Variants in CLUH observed in about 807,000 individuals in gnomAD.
CLUH encodes the protein clustered mitochondria protein homolog.
In CLUH, 77 loss-of-function variants were observed where a neutral mutation model predicts 139.3. The ratio of observed to expected loss-of-function variants is 0.55; its 90% CI spans 0.46 to 0.67. The LOEUF is 0.67. CLUH is among the 30% of genes least tolerant of loss of function. CLUH has a pLI of 0.00. For synonymous variants in CLUH, 999 were observed against 801.6 expected, an observed-to-expected ratio of 1.25 and a Z score of -4.16; for missense variants, 1,876 against 1,875.8, an observed-to-expected ratio of 1.00 and a Z score of 0.00.
Position 2,711,612 on chromosome 17 carries a change from G to A in CLUH, c.50C>T (p.Ala17Val). 3.0e-6 allele frequency: 3 copies of A among 984,142 alleles called. No homozygotes were observed. The highest frequency in any genetic ancestry group is 3.6e-6 in the Non-Finnish European group (3 of 829,550). The allele number at this position is 984,142 out of a possible 1,614,324, so 61.0% of individuals were successfully genotyped here. Residue 17 changes from alanine to valine, a missense_variant, in exon 1 of 26, where the codon GCC (alanine) becomes GTC (valine). Transcript: ENST00000651024. ...CCCGGCCTGCGAGCCGTGTTCCCGGGCGCTGTCGGCCGGGGCGGCCGCCGG... is the reference window on the plus strand; with the variant it reads ...CCCGGCCTGCGAGCCGTGTTCCCGGACGCTGTCGGCCGGGGCGGCCGCCGG... ...ELPAAAPADS[A>V]REHGSQAGGK...
At position 2,695,106 on chromosome 17, in the gene CLUH, G is replaced by C; in HGVS notation, c.2608-5C>G. The C allele has an allele frequency of 6.2e-7, 1 of 1,612,190 alleles. No homozygotes were observed. Among genetic ancestry groups the C allele is most frequent in the Non-Finnish European group, 8.5e-7 (1 of 1,178,956 alleles). On this transcript the variant is annotated splice_polypyrimidine_tract_variant and splice_region_variant and intron_variant, in intron 15 of 25. Transcript: ENST00000651024. ...GAGGCCGGAGAGCTCGACTCCCTGCGAGGCAGGTTGGATCCGAGTCATGAG... is the reference window on the plus strand; with the variant it reads ...GAGGCCGGAGAGCTCGACTCCCTGCCAGGCAGGTTGGATCCGAGTCATGAG...
chr17:2,689,731 G>C lies in CLUH; in HGVS notation c.*863C>G, dbSNP rs1444430578. 6.5e-6 allele frequency: 1 copy of C among 152,718 alleles called. No homozygotes were observed. The highest frequency in any genetic ancestry group is 2.4e-5 in the African/African-American group (1 of 41,438). 9.5% of individuals were successfully genotyped at this position (152,718 alleles called of 1,614,324 possible). The stretch of plus-strand genomic sequence containing the variant: ...ACCAGGAAGGGAGCTGGGCACCAGA[G>C]AAGCGACATCACGTCGGCACCTGTA... On this transcript the variant is annotated 3_prime_UTR_variant, in exon 26 of 26. Transcript: ENST00000651024.
intron 9 of CLUH, among the ~76,000 whole-genome samples, chr17:2,698,918 G>A (rs527406506): frequency 1.3e-5 from 2 of 152,210 alleles, no homozygotes; most frequent in South Asian, 2.1e-4. Context: ...GAGGTGGCGC[G>A]CGCCTGTAGT....
chr17:2,690,862 T>G, intron 25 of CLUH, 85 bp from the exon 26 acceptor site: 3 of 1,113,204 alleles, frequency 2.7e-6, no homozygotes, highest in Non-Finnish European at 3.7e-6. Flanking sequence ...TGGGATAAGC[T>G]CAGGCTCTGC....
rs996370756 is a variant in CLUH, at chr17:2,691,910, G to GA, written c.3655-16dup. 12 of 1,494,512 alleles carry GA rather than the reference G, an allele frequency of 8.0e-6. No individual in the cohort carries two copies. In the African/African-American group the frequency reaches 1.8e-4, roughly 23 times the overall value. The allele number at this position is 1,494,512 out of a possible 1,614,324, so 92.6% of individuals were successfully genotyped here. A position where few individuals can be genotyped will look rare whatever the true frequency, so the allele number is the denominator to read the frequency against. On this transcript the variant is annotated splice_polypyrimidine_tract_variant and intron_variant, in intron 23 of 25. Coordinates refer to ENST00000651024, the MANE Select transcript of CLUH (RefSeq NM_001366661.1). ...TCCTCGCCCAGCTGCGGGGAGGCGG[G>GA]AAGGGATCAGGCCCCCCCGTGCCCC...
Position 2,691,946 on chromosome 17 carries a change from CCCCCGCCCCGCCACG to C in CLUH, c.3654+43_3655-52del, listed in dbSNP as rs2069671127. 5.1e-6 allele frequency: 6 copies of C among 1,184,214 alleles called. No homozygotes were observed. In the African/African-American group the frequency reaches 8.0e-5, roughly 16 times the overall value. The allele number at this position is 1,184,214 out of a possible 1,614,324, so 73.4% of individuals were successfully genotyped here. On this transcript the variant is annotated intron_variant, in intron 23 of 25. Coordinates refer to ENST00000651024, the MANE Select transcript of CLUH (RefSeq NM_001366661.1). ...GCCCCCCCGTGCCCCCGCGGCCCCG[CCCCCGCCCCGCCACG>C]CCCCCGCCCCGCCCCCGCCCCCGCC... is the stretch of plus-strand genomic sequence containing the variant.
In CLUH at chr17:2,691,686, C is replaced by CGGGGCGGGGAAACCAGCGG. The variant is rs1200604568; in HGVS notation, c.3790-23_3790-5dup. 6.2e-7 allele frequency: 1 copy of CGGGGCGGGGAAACCAGCGG among 1,611,514 alleles called. No homozygotes were observed. The highest frequency in any genetic ancestry group is 8.5e-7 in the Non-Finnish European group (1 of 1,178,944). On this transcript the variant is annotated splice_region_variant and splice_polypyrimidine_tract_variant and intron_variant, in intron 24 of 25. Coordinates refer to ENST00000651024, the MANE Select transcript of CLUH (RefSeq NM_001366661.1). ...TGGCCATGCTGGGGGCCGTGAACTG[C>CGGGGCGGGGAAACCAGCGG]GGGGCGGGGAAACCAGCGGTGAGCG... is the stretch of plus-strand genomic sequence containing the variant.
In CLUH at chr17:2,698,398, G is replaced by T; in HGVS notation, c.1459C>A (p.Pro487Thr). The change falls in exon 10 of 26, where the codon CCC becomes ACC. Residue 487 changes from proline to threonine, a missense_variant. Around this residue, in one of 3 missense-constraint regions of CLUH, gnomAD observed 1,454 missense variants for 1,384.4 expected, o/e 1.05. Transcript: ENST00000651024. ...FGGDVAAYVA[P>T]TNDLNGVRTY... ...CGGACGCCATTCAGGTCGTTGGTGG[G>T]CGCCACGTAGGCCGCCACGTCCCCC... 1 of 1,613,178 alleles carries T rather than the reference G, an allele frequency of 6.2e-7. No homozygotes were observed. Among genetic ancestry groups the T allele is most frequent in the Non-Finnish European group, 8.5e-7 (1 of 1,179,732 alleles).
At position 2,703,305 on chromosome 17, in the gene CLUH, C is replaced by A; in HGVS notation, c.475+13G>T. On this transcript the variant is annotated intron_variant, in intron 3 of 25. Coordinates refer to ENST00000651024, the MANE Select transcript of CLUH (RefSeq NM_001366661.1). This position sits in a 1 kb window ranked among gnomAD's most constrained non-coding sequence, Gnocchi z 4.2. ...GCCCTCCCCCGGGCAGGCTGTCCAACTTCCAGACCAACCTTCCACCACACG... is the reference window on the plus strand; with the variant it reads ...GCCCTCCCCCGGGCAGGCTGTCCAAATTCCAGACCAACCTTCCACCACACG... 2 of 1,603,674 alleles carry A rather than the reference C, an allele frequency of 1.2e-6. No homozygotes were observed. The highest frequency in any genetic ancestry group is 2.7e-5 in the African/African-American group (2 of 74,776).
At chr17:2,711,109 G>C (rs916732365) in intron 1 of CLUH, 1 of 152,236 alleles carries the variant, frequency 6.6e-6, no homozygotes, top group African/African-American at 2.4e-5. Flanking sequence ...TTCACTCCCA[G>C]GGCTGCAGCC....
rs754416489 is a variant in CLUH at position 2,698,441 on chromosome 17, G to A, written c.1416C>T (p.Asp472=). 6.2e-7 allele frequency: 1 copy of A among 1,613,368 alleles called. No individual in the cohort carries two copies. ...CGTCCCCCCCGAAGTCCTTGTAGTGGTCTCGGACGTCGAAGCCCAGGCTGA... is the reference window on the plus strand; with the variant it reads ...CGTCCCCCCCGAAGTCCTTGTAGTGATCTCGGACGTCGAAGCCCAGGCTGA... ...IFFSLGFDVR[D]HYKDFGGDVA... is the part of the protein sequence containing the mutation. The change falls in exon 10 of 26, where the codon GAC becomes GAT. Residue 472 remains aspartate, a synonymous_variant. Coordinates refer to ENST00000651024, the MANE Select transcript of CLUH (RefSeq NM_001366661.1).
Position 2,691,772 on chromosome 17 carries a change from G to T in CLUH, c.3778C>A (p.Pro1260Thr). The T allele has an allele frequency of 1.3e-6, 2 of 1,594,822 alleles. No individual in the cohort carries two copies. Among genetic ancestry groups the T allele is most frequent in the Non-Finnish European group, 1.7e-6 (2 of 1,171,348 alleles). Residue 1260 changes from proline (P) to threonine (T), a missense_variant, in exon 24 of 26, where the codon CCG (proline) becomes ACG (threonine). This residue lies in a region of CLUH where 1,454 missense variants were observed against 1,384.4 expected (regional missense o/e 1.05). Coordinates refer to ENST00000651024, the MANE Select transcript of CLUH (RefSeq NM_001366661.1). ...CGCCCCGGACTCACCTTGAGGGGCGGGATGTTGGCGCTGGAGCCGTTGCGG... is the reference window on the plus strand; with the variant it reads ...CGCCCCGGACTCACCTTGAGGGGCGTGATGTTGGCGCTGGAGCCGTTGCGG... ...IYRNGSSANI[P>T]PLKFTAPSMA...
At chr17:2,694,784 C>T in intron 16 of CLUH, 73 bp downstream of exon 16, 1 of 1,457,124 alleles carries the variant, frequency 6.9e-7, no homozygotes, top group Non-Finnish European at 9.1e-7. Context: ...GCCTTAGACG[C>T]CATCTGGGAG....
intron 3 of CLUH, among the ~76,000 whole-genome samples, chr17:2,702,472 C>T (rs946442251): frequency 2.0e-5 from 3 of 152,236 alleles, no homozygotes; most frequent in African/African-American, 7.2e-5. Context: ...TTTCCAAGGC[C>T]CCCAATGTCA....
chr17:2,698,888 A>G (rs2070074430), intron 9 of CLUH, among the ~76,000 whole-genome samples: 1 of 152,140 alleles, frequency 6.6e-6, no homozygotes, highest in African/African-American at 2.4e-5. Context: ...TAATAAAAAT[A>G]CAAAAAAAAT....
In CLUH at chr17:2,698,552, G is replaced by T. The variant is rs769408593; in HGVS notation, c.1305C>A (p.Ala435=). The change falls in exon 10 of 26, where the codon GCC becomes GCA. Residue 435 remains alanine, a synonymous_variant. Coordinates refer to ENST00000651024, the MANE Select transcript of CLUH (RefSeq NM_001366661.1). Reference sequence around the variant, plus strand: ...TCACGTTGCCGTCAATGACGGCCATGGCGCCCCTGGTGGCTGCCGCGGTGA... The same window carrying T: ...TCACGTTGCCGTCAATGACGGCCATTGCGCCCCTGGTGGCTGCCGCGGTGA... ...SDFTAAATRG[A]MAVIDGNVMA... The T allele has an allele frequency of 2.5e-6, 4 of 1,610,272 alleles. No individual in the cohort carries two copies.
At position 2,701,894 on chromosome 17, in the gene CLUH, G is replaced by C; in HGVS notation, c.619+20C>G. ...CTCCCCGCCCTTTGGCCCAATCCCC[G>C]GCCCCAGTGCCTCCCGCACCTCCCA... On this transcript the variant is annotated intron_variant, in intron 4 of 25. Transcript: ENST00000651024. The C allele has an allele frequency of 6.2e-7, 1 of 1,612,834 alleles. No homozygotes were observed. Among genetic ancestry groups the C allele is most frequent in the Non-Finnish European group, 8.5e-7 (1 of 1,179,830 alleles).
At position 2,707,449 on chromosome 17, in the gene CLUH, G is replaced by T; in HGVS notation, c.101-2885C>A. 1.0e-6 allele frequency: 1 copy of T among 985,428 alleles called. No individual in the cohort carries two copies. The highest frequency in any genetic ancestry group is 1.2e-6 in the Non-Finnish European group (1 of 829,920). The allele number at this position is 985,428 out of a possible 1,614,324, so 61.0% of individuals were successfully genotyped here. A position where few individuals can be genotyped will look rare whatever the true frequency, so the allele number is the denominator to read the frequency against. ...AGGTCGGCCAGAAGGACGGCTGTGG[G>T]CCAGGAGAACCCGGTGGCCCCAGGA... is the stretch of plus-strand genomic sequence containing the variant. On this transcript the variant is annotated intron_variant, in intron 1 of 25. Coordinates refer to ENST00000651024, the MANE Select transcript of CLUH (RefSeq NM_001366661.1). The surrounding 1 kb of genome is among the most constrained non-coding windows in gnomAD (Gnocchi z 7.4).
At chr17:2,699,167 G>A (rs534807865) in intron 9 of CLUH, among the ~76,000 whole-genome samples, 16 of 146,916 alleles carry the variant, frequency 1.1e-4, no homozygotes, top group African/African-American at 3.8e-4. Flanking sequence ...TTATGTGCCA[G>A]GTGAACTTGA....
Sources: allele counts gnomAD v4.1 joint callset (sites outside exome capture counted in the v4.1 genomes callset), GRCh38; gene constraint gnomAD v4.1.1; regional missense constraint gnomAD v4.1.1; non-coding constraint Gnocchi (gnomAD v3.1); transcripts MANE v1.5; gene names NCBI Gene and HGNC (gene_info 2026-07-23, HGNC 2026-07-21).